ATRNL1: variants seen among roughly 807,000 people sequenced by gnomAD.
ATRNL1 encodes attractin like 1, also known as attractin-like protein 1.
In ATRNL1, 95 loss-of-function variants were observed where a neutral mutation model predicts 182.7. The ratio of observed to expected loss-of-function variants is 0.52; its 90% CI spans 0.44 to 0.62. The LOEUF is 0.62. Among genes scored for constraint, ATRNL1 ranks in the 20% least tolerant of loss-of-function variants. The pLI is 0.00. For missense variants in ATRNL1, 1,471 were observed against 1,679.5 expected (o/e 0.88, Z 2.17); for synonymous variants, 576 against 568.3 (o/e 1.01, Z -0.19).
rs143263026 is a variant in ATRNL1, at chr10:115,428,585, A to G, written c.3322+2283A>G. Among the ~76,000 whole-genome samples, 3 of 152,166 alleles carry G rather than the reference A, an allele frequency of 2.0e-5. No individual in the cohort carries two copies. In the East Asian group the frequency reaches 5.8e-4, roughly 29 times the overall value. ...ATTCCTACTTTGCTGTACATTTTTT[A>G]TCAGAAATGGTTGTTTATGTCCAAT... On this transcript the variant is annotated intron_variant, in intron 21 of 28. Transcript: ENST00000355044.
intron 21 of ATRNL1, among the ~76,000 whole-genome samples, chr10:115,458,859 A>G (rs1396800607): frequency 1.3e-5 from 2 of 152,122 alleles, no homozygotes; most frequent in Non-Finnish European, 2.9e-5. Context: ...TTCATTCTAA[A>G]TAGATATTCT....
intron 9 of ATRNL1, among the ~76,000 whole-genome samples, chr10:115,241,030 A>G: frequency 6.6e-6 from 1 of 152,012 alleles, no homozygotes. Flanking sequence ...ATATTCTTAT[A>G]GTTTTTTATG....
Position 115,632,824 on chromosome 10 carries a change from G to A in ATRNL1, c.3795+83288G>A, listed in dbSNP as rs1050736331. Among the ~76,000 whole-genome samples, 3 of 149,436 alleles carry A rather than the reference G, an allele frequency of 2.0e-5. No homozygotes were observed. The East Asian group carries it at 6.1e-4, about 31-fold the overall frequency. On this transcript the variant is annotated intron_variant, in intron 26 of 28. Transcript: ENST00000355044. Reference sequence around the variant, plus strand: ...ATGTTATACTAACTTTAAAAAATGAGTCAATATTATAAATACAAATTCTAG... The same window carrying A: ...ATGTTATACTAACTTTAAAAAATGAATCAATATTATAAATACAAATTCTAG...
Position 115,165,749 on chromosome 10 carries a change from A to T in ATRNL1, c.1092+104A>T, listed in dbSNP as rs187912274. The T allele has an allele frequency of 1.2e-5, 6 of 512,970 alleles. No individual in the cohort carries two copies. The East Asian group carries it at 1.9e-4, about 16-fold the overall frequency. The allele number at this position is 512,970 out of a possible 1,614,324, so 31.8% of individuals were successfully genotyped here. On this transcript the variant is annotated intron_variant, in intron 7 of 28. Transcript: ENST00000355044. The stretch of plus-strand genomic sequence containing the variant: ...GATTTATTTCAAATATTTAATGAGA[A>T]CAATAGATTATATGGATCATGATAA...
intron 27 of ATRNL1, among the ~76,000 whole-genome samples, chr10:115,761,441 G>A (rs970719847): frequency 1.4e-5 from 2 of 139,844 alleles, no homozygotes; most frequent in African/African-American, 5.4e-5. Context: ...TATGTGTATG[G>A]TGGAGACACA....
intron 28 of ATRNL1, among the ~76,000 whole-genome samples, chr10:115,882,396 G>C (rs1487004519): frequency 6.6e-6 from 1 of 152,138 alleles, no homozygotes; most frequent in Non-Finnish European, 1.5e-5. Context: ...CCTAACCCAG[G>C]TTCTGACACC....
At chr10:115,116,408 C>T (rs1191348072) in intron 1 of ATRNL1, among the ~76,000 whole-genome samples, 1 of 151,842 alleles carries the variant, frequency 6.6e-6, no homozygotes, top group African/African-American at 2.4e-5. Flanking sequence ...GAGAGCACTA[C>T]ACAATTGGAA....
chr10:115,291,905 A>T (rs1554921006), intron 15 of ATRNL1, among the ~76,000 whole-genome samples: 2 of 147,944 alleles, frequency 1.4e-5, no homozygotes, highest in African/African-American at 2.5e-5. Flanking sequence ...CCTCTCCTTC[A>T]GTTCTTTGAA....
chr10:115,820,873 C>T (rs533944693), intron 27 of ATRNL1, among the ~76,000 whole-genome samples: 12 of 152,092 alleles, frequency 7.9e-5, no homozygotes, highest in Non-Finnish European at 1.8e-4. Flanking sequence ...GAATTGTAAT[C>T]CCCATAATCC....
chr10:115,838,963 A>G (rs1555096360), intron 27 of ATRNL1, among the ~76,000 whole-genome samples: 1 of 152,138 alleles, frequency 6.6e-6, no homozygotes, highest in Non-Finnish European at 1.5e-5. Context: ...AGTTTTGTCC[A>G]TGCTTTTGTA....
chr10:115,282,407 C>T (rs371403004), intron 14 of ATRNL1, among the ~76,000 whole-genome samples: 2 of 151,278 alleles, frequency 1.3e-5, no homozygotes, highest in Non-Finnish European at 2.9e-5. Context: ...ATCCCTCCCC[C>T]CTCTCCCCAC....
At chr10:115,738,054 G>C (rs1948009982) in intron 27 of ATRNL1, among the ~76,000 whole-genome samples, 1 of 146,984 alleles carries the variant, frequency 6.8e-6, no homozygotes, top group Non-Finnish European at 1.5e-5. Context: ...ATGATTTTCA[G>C]TTGGTAGTAG....
At chr10:115,702,706 T>C (rs1188404791) in intron 26 of ATRNL1, among the ~76,000 whole-genome samples, 1 of 151,622 alleles carries the variant, frequency 6.6e-6, no homozygotes, top group Non-Finnish European at 1.5e-5. Context: ...ACACAAAAAA[T>C]AAAATACCTA....
chr10:115,331,065 ATT>A (rs60838080), intron 18 of ATRNL1, among the ~76,000 whole-genome samples: 49 of 146,214 alleles, frequency 3.4e-4, no homozygotes, highest in South Asian at 1.1e-3. Context: ...CCTTTATTGC[ATT>A]TTTTTTTTTT....
At chr10:115,818,976 C>A (rs782425416) in intron 27 of ATRNL1, among the ~76,000 whole-genome samples, 1 of 152,090 alleles carries the variant, frequency 6.6e-6, no homozygotes, top group Non-Finnish European at 1.5e-5. Context: ...CCTTTCATGT[C>A]ACAATTGTGT....
rs193035825 is a variant in ATRNL1, at chr10:115,591,097, G to A, written c.3795+41561G>A. 7.4e-4 allele frequency among the ~76,000 whole-genome samples: 113 copies of A among 152,244 alleles called. 2 individuals are homozygous for A. The East Asian group carries it at 0.019, about 25-fold the overall frequency. ...GTACTAGCACGTACAAGATATGCAT[G>A]TATACGTGTATATATTAATACATAC... On this transcript the variant is annotated intron_variant, in intron 26 of 28. Transcript: ENST00000355044.
intron 20 of ATRNL1, among the ~76,000 whole-genome samples, chr10:115,407,833 A>G (rs1308066931): frequency 3.3e-5 from 5 of 152,100 alleles, no homozygotes; most frequent in African/African-American, 1.2e-4. Context: ...TGGCTGTACT[A>G]GTTTACATTC....
rs1317926236 is a variant in ATRNL1 at position 115,946,286 on chromosome 10, A to T, written c.*1507A>T. On this transcript the variant is annotated 3_prime_UTR_variant, in exon 29 of 29. Coordinates refer to ENST00000355044, the MANE Select transcript of ATRNL1 (RefSeq NM_207303.4). ...GCTAATGCATAGTTACTTGCATGCC[A>T]TGGTTGTACAGTAGCAGACTATGAC... is the stretch of plus-strand genomic sequence containing the variant. 1 of 152,190 alleles carries T rather than the reference A, an allele frequency of 6.6e-6. No homozygotes were observed. The highest frequency in any genetic ancestry group is 1.5e-5 in the Non-Finnish European group (1 of 68,032). The allele number at this position is 152,190 out of a possible 1,614,324, so 9.4% of individuals were successfully genotyped here.
At chr10:115,813,664 A>G (rs1555087694) in intron 27 of ATRNL1, among the ~76,000 whole-genome samples, 5 of 152,346 alleles carry the variant, frequency 3.3e-5, no homozygotes, top group South Asian at 4.1e-4. Context: ...AACAAAGTGC[A>G]TCACCATTAA....
Sources: allele counts gnomAD v4.1 joint callset (sites outside exome capture counted in the v4.1 genomes callset), GRCh38; gene constraint gnomAD v4.1.1; transcripts MANE v1.5; gene names NCBI Gene and HGNC (gene_info 2026-07-23, HGNC 2026-07-21).